The following SPDYE14 variants were observed in gnomAD, a reference collection of about 807,000 sequenced individuals.
The protein encoded by SPDYE14 is speedy protein E14.
chr7:75,249,861 G>A, the SPDYE14 span, among the ~76,000 whole-genome samples: 3 of 121,298 alleles, frequency 2.5e-5, 1 homozygote, highest in Non-Finnish European at 5.2e-5. Flanking sequence ...GCGGAGATGG[G>A]GGTTCACCAT....
the SPDYE14 span, among the ~76,000 whole-genome samples, chr7:75,249,889 C>G: frequency 1.6e-5 from 2 of 121,586 alleles, no homozygotes; most frequent in African/African-American, 6.6e-5. Flanking sequence ...AGGCTGGTCT[C>G]GAACTCCTGA....
the SPDYE14 span, among the ~76,000 whole-genome samples, chr7:75,273,409 C>T: frequency 3.4e-5 from 2 of 59,206 alleles, no homozygotes; most frequent in South Asian, 5.4e-4. Context: ...TGGTGGCAGA[C>T]GCCTGTAATC....
chr7:75,279,481 A>G, the SPDYE14 span, among the ~76,000 whole-genome samples: 1 of 110,514 alleles, frequency 9.0e-6, no homozygotes, highest in African/African-American at 3.6e-5. Context: ...ACGGAGTCTC[A>G]CTCTTGTAGC....
the SPDYE14 span, among the ~76,000 whole-genome samples, chr7:75,254,150 G>A: frequency 2.2e-5 from 1 of 46,326 alleles, no homozygotes; most frequent in Non-Finnish European, 5.3e-5. Flanking sequence ...CCTGGGAGGC[G>A]GAGGTTGCAG....
At chr7:75,241,691 ATATATT>A in the SPDYE14 span, among the ~76,000 whole-genome samples, 3 of 25,456 alleles carry the variant, frequency 1.2e-4, no homozygotes, top group African/African-American at 2.9e-4. Flanking sequence ...ATATATATAT[ATATATT>A]TTTTTTTTTT....
chr7:75,238,333 ATG>A, the SPDYE14 span, among the ~76,000 whole-genome samples: 1 of 75,946 alleles, frequency 1.3e-5, no homozygotes, highest in Non-Finnish European at 2.7e-5. Context: ...GCAGCGGAAA[ATG>A]TGAGGGAGGA....
At chr7:75,251,554 G>A in the SPDYE14 span, among the ~76,000 whole-genome samples, 1 of 57,626 alleles carries the variant, frequency 1.7e-5, no homozygotes, top group South Asian at 5.0e-4. Context: ...TAGAAATGGA[G>A]TCTTGCTATG....
chr7:75,273,658 C>G, the SPDYE14 span, among the ~76,000 whole-genome samples: 902 of 60,388 alleles, frequency 0.015, 269 homozygotes, highest in African/African-American at 0.034. Context: ...TCTCTGATGA[C>G]TCTTCTCGAA....
At chr7:75,300,572 T>C in the SPDYE14 span, among the ~76,000 whole-genome samples, 533 of 10,674 alleles carry the variant, frequency 0.05, 15 homozygotes, top group South Asian at 0.088. Flanking sequence ...GCTGCTGTCT[T>C]AGCAAAGACC....
the SPDYE14 span, among the ~76,000 whole-genome samples, chr7:75,276,815 G>T: frequency 2.2e-5 from 3 of 134,598 alleles, no homozygotes; most frequent in Admixed American, 8.5e-5. Context: ...GATCATGTGA[G>T]CCCAGAAGCT....
chr7:75,241,669 T>TAAAAA, the SPDYE14 span, among the ~76,000 whole-genome samples: 3 of 22,672 alleles, frequency 1.3e-4, no homozygotes, highest in African/African-American at 3.2e-4. Flanking sequence ...TGGGTCTTGG[T>TAAAAA]AAAAAAAAAA....
chr7:75,272,510 T>C, the SPDYE14 span, among the ~76,000 whole-genome samples: 3 of 29,986 alleles, frequency 1.0e-4, no homozygotes, highest in African/African-American at 2.2e-4. Flanking sequence ...AGGGCCCACT[T>C]CCTGGTTTGT....
the SPDYE14 span, among the ~76,000 whole-genome samples, chr7:75,264,995 G>T: frequency 3.8e-5 from 2 of 52,670 alleles, no homozygotes; most frequent in African/African-American, 5.3e-5. Context: ...TTCCTTCTGT[G>T]AATTGCCTGT....
At chr7:75,241,669 T>TAAA in the SPDYE14 span, among the ~76,000 whole-genome samples, 14 of 22,670 alleles carry the variant, frequency 6.2e-4, 1 homozygote, top group African/African-American at 7.4e-4. Flanking sequence ...TGGGTCTTGG[T>TAAA]AAAAAAAAAA....
chr7:75,249,227 GC>G, the SPDYE14 span, among the ~76,000 whole-genome samples: 3 of 43,404 alleles, frequency 6.9e-5, no homozygotes, highest in African/African-American at 1.9e-4. Context: ...GATCTTGTCG[GC>G]CCCCCTTCAT....
the SPDYE14 span, among the ~76,000 whole-genome samples, chr7:75,240,279 C>A: frequency 2.0e-5 from 1 of 50,806 alleles, no homozygotes; most frequent in Non-Finnish European, 4.5e-5. Context: ...TGCCTGAAGG[C>A]ATAAAATTCA....
chr7:75,244,100 C>CT, the SPDYE14 span, among the ~76,000 whole-genome samples: 367 of 48,634 alleles, frequency 7.5e-3, 126 homozygotes, highest in African/African-American at 0.019. Flanking sequence ...AAACTGCATG[C>CT]TTTTTTTTTG....
the SPDYE14 span, among the ~76,000 whole-genome samples, chr7:75,257,338 G>T: frequency 4.8e-4 from 49 of 101,838 alleles, 2 homozygotes; most frequent in African/African-American, 1.6e-3. Context: ...TTGCTTAAGG[G>T]CAGGCTCCCT....
the SPDYE14 span, among the ~76,000 whole-genome samples, chr7:75,275,136 C>G: frequency 3.2e-5 from 2 of 63,112 alleles, no homozygotes; most frequent in African/African-American, 7.7e-5. Flanking sequence ...GGCCAGCCGC[C>G]CCGTCCGGGA....
Sources: allele counts gnomAD v4.1 joint callset (sites outside exome capture counted in the v4.1 genomes callset), GRCh38; gene constraint gnomAD v4.1.1; transcripts MANE v1.5; gene names NCBI Gene and HGNC (gene_info 2026-07-23, HGNC 2026-07-21).